Variants in EHMT1 observed in about 807,000 individuals in gnomAD.
EHMT1 encodes the protein euchromatic histone lysine methyltransferase 1.
EHMT1 carries 15 observed loss-of-function variants against 147.2 expected under a neutral mutation model. The ratio of observed to expected loss-of-function variants is 0.10; its 90% CI spans 0.07 to 0.16. The LOEUF (loss-of-function observed/expected upper bound fraction) is 0.16. Among genes scored for constraint, EHMT1 ranks in the 10% least tolerant of loss-of-function variants. The probability of loss-of-function intolerance (pLI) is 1.00; values close to 1 mark genes in which losing one functional copy is unlikely to be tolerated. For missense variants in EHMT1, 1,587 were observed against 1,772.4 expected, an observed-to-expected ratio of 0.90 and a Z score of 1.88; for synonymous variants, 795 against 709.6, an observed-to-expected ratio of 1.12 and a Z score of -1.91.
intron 4 of EHMT1, among the ~76,000 whole-genome samples, chr9:137,733,425 C>T (rs1947283865): frequency 6.6e-6 from 1 of 152,244 alleles, no homozygotes; most frequent in Non-Finnish European, 1.5e-5. Context: ...TTCATCTCCT[C>T]ACCTAGACAA....
intron 1 of EHMT1, among the ~76,000 whole-genome samples, chr9:137,627,054 T>C (rs1004670346): frequency 1.3e-5 from 2 of 152,096 alleles, no homozygotes; most frequent in African/African-American, 4.8e-5. Context: ...ATCTCCCAGG[T>C]TCAAGCGCTT....
In EHMT1 at chr9:137,648,844, G is replaced by A. The variant is rs113999116; in HGVS notation, c.21+29795G>A. Among the ~76,000 whole-genome samples, 1,077 of 152,256 alleles carry A rather than the reference G, an allele frequency of 7.1e-3. 18 individuals are homozygous for A. The highest frequency in any genetic ancestry group is 0.025 in the African/African-American group (1,033 of 41,536). ...CAGCCTCATCCTCAGGGTGCATCCC[G>A]TTTCCCTGACTTCTCTCCCTATCAT... is the stretch of plus-strand genomic sequence containing the variant. On this transcript the variant is annotated intron_variant, in intron 1 of 26. Coordinates refer to ENST00000460843, the MANE Select transcript of EHMT1 (RefSeq NM_024757.5).
At chr9:137,757,854 CTGA>C in intron 8 of EHMT1, 23 bp from the exon 9 acceptor site, 3 of 1,613,270 alleles carry the variant, frequency 1.9e-6, no homozygotes, top group Non-Finnish European at 2.5e-6. Flanking sequence ...TGCGTGGTGT[CTGA>C]TGTGTGTGCC....
chr9:137,703,228 G>C (rs191275342), intron 1 of EHMT1, among the ~76,000 whole-genome samples: 21 of 152,234 alleles, frequency 1.4e-4, no homozygotes, highest in Non-Finnish European at 2.4e-4. Flanking sequence ...GATGGGAGGG[G>C]CTGCTGCAAA....
At chr9:137,633,331 T>G (rs540869428) in intron 1 of EHMT1, among the ~76,000 whole-genome samples, 3 of 152,152 alleles carry the variant, frequency 2.0e-5, no homozygotes, top group East Asian at 3.9e-4. Flanking sequence ...TTTTTTTTTT[T>G]GTAATACAGA....
intron 23 of EHMT1, chr9:137,817,125 C>T (rs1186119199): frequency 7.9e-5 from 35 of 443,602 alleles, no homozygotes; most frequent in Non-Finnish European, 1.4e-4. Context: ...GTATTAGCAC[C>T]TCTGCCCCTC....
At position 137,787,792 on chromosome 9, in the gene EHMT1, C is replaced by T; in HGVS notation, c.2383-3056C>T. 2 of 854,412 alleles carry T rather than the reference C, an allele frequency of 2.3e-6. No homozygotes were observed. Among genetic ancestry groups the T allele is most frequent in the Non-Finnish European group, 4.1e-6 (2 of 491,622 alleles). 52.9% of individuals were successfully genotyped at this position (854,412 alleles called of 1,614,324 possible). ...GGAAGAGGGCGTCTAGATCCCAGCC[C>T]TGGGGGCCCTCAGGTTTCAGGGGCC... On this transcript the variant is annotated intron_variant, in intron 15 of 26. Transcript: ENST00000460843. This position sits in a 1 kb window ranked among gnomAD's most constrained non-coding sequence, Gnocchi z 4.2.
chr9:137,673,530 C>A (rs962444420), intron 1 of EHMT1, among the ~76,000 whole-genome samples: 3 of 152,134 alleles, frequency 2.0e-5, no homozygotes, highest in Non-Finnish European at 2.9e-5. Flanking sequence ...GTGTGAAGCT[C>A]CGGCCTCGAG....
intron 1 of EHMT1, among the ~76,000 whole-genome samples, chr9:137,670,501 G>A (rs1191910023): frequency 3.3e-5 from 5 of 152,054 alleles, no homozygotes; most frequent in Non-Finnish European, 7.4e-5. Flanking sequence ...GCCCACGTGC[G>A]AGCTCCGTTT....
intron 1 of EHMT1, among the ~76,000 whole-genome samples, chr9:137,697,497 G>A (rs996126140): frequency 6.6e-6 from 1 of 152,148 alleles, no homozygotes; most frequent in East Asian, 1.9e-4. Context: ...ACTGTTTGAA[G>A]ATTTTTTTGA....
intron 10 of EHMT1, among the ~76,000 whole-genome samples, chr9:137,767,774 C>G (rs1371863541): frequency 6.6e-6 from 1 of 152,084 alleles, no homozygotes; most frequent in Non-Finnish European, 1.5e-5. Flanking sequence ...GATCTCACTA[C>G]TGCACTCCAG....
intron 25 of EHMT1, among the ~76,000 whole-genome samples, chr9:137,822,153 C>T (rs970870233): frequency 1.3e-5 from 2 of 152,186 alleles, no homozygotes; most frequent in African/African-American, 2.4e-5. Context: ...TTTCTATAAA[C>T]GGAATCCTGT....
intron 1 of EHMT1, chr9:137,697,233 A>G (rs961609959): frequency 1.2e-5 from 3 of 258,922 alleles, no homozygotes; most frequent in Non-Finnish European, 2.5e-5. Context: ...GTGAGCCGAG[A>G]TGGTGCCACT....
At chr9:137,820,867 G>GTTTGT (rs57434137) in intron 25 of EHMT1, among the ~76,000 whole-genome samples, 26 of 151,048 alleles carry the variant, frequency 1.7e-4, no homozygotes, top group South Asian at 1.0e-3. Context: ...CACCTTAGAG[G>GTTTGT]TTTGTTTTGT....
In EHMT1 at chr9:137,813,218, C is replaced by G. The variant is rs924369991; in HGVS notation, c.3035+45C>G. ...GGCTTTGTGGCAAATCAGCGGTCAG[C>G]AGGGCTTTGGGAACTTGCGGTGAAA... On this transcript the variant is annotated intron_variant, in intron 20 of 26. Transcript: ENST00000460843. This position sits in a 1 kb window ranked among gnomAD's most constrained non-coding sequence, Gnocchi z 4.9. 6.3e-7 allele frequency: 1 copy of G among 1,598,254 alleles called. No individual in the cohort carries two copies.
chr9:137,713,323 G>A (rs1944915144), intron 2 of EHMT1, among the ~76,000 whole-genome samples: 1 of 143,526 alleles, frequency 7.0e-6, no homozygotes, highest in Non-Finnish European at 1.5e-5. Context: ...GGGCTGGAGT[G>A]CAGTGGCACG....
chr9:137,746,376 A>C (rs1239182959), intron 6 of EHMT1: 1 of 152,190 alleles, frequency 6.6e-6, no homozygotes, highest in Non-Finnish European at 1.5e-5. Context: ...CAGCTTCCAA[A>C]AGTGCTGGGA....
intron 4 of EHMT1, among the ~76,000 whole-genome samples, chr9:137,733,620 C>T (rs1947298896): frequency 6.6e-6 from 1 of 152,194 alleles, no homozygotes; most frequent in South Asian, 2.1e-4. Context: ...GTGCGTGCAG[C>T]TTGTGGGAGC....
rs1325669112 is a variant in EHMT1, at chr9:137,834,517, C to G, written c.3709C>G (p.Gln1237Glu). ...FSTRLIEAGE[Q>E]LGFDYGERFW... ...CACCCGCCTGATCGAGGCCGGCGAG[C>G]AGCTCGGGTACGCACCGCCCCGGCC... is the stretch of plus-strand genomic sequence containing the variant. Residue 1237 changes from glutamine (Q) to glutamate (E), a missense_variant, in exon 26 of 27, where the codon CAG becomes GAG. Gln to Glu is a conservative substitution (Grantham distance 29). Coordinates refer to ENST00000460843, the MANE Select transcript of EHMT1 (RefSeq NM_024757.5). The G allele has an allele frequency of 1.9e-6, 3 of 1,610,630 alleles. No individual in the cohort carries two copies. In the Admixed American group the frequency reaches 5.0e-5, roughly 27 times the overall value.
Sources: allele counts gnomAD v4.1 joint callset (sites outside exome capture counted in the v4.1 genomes callset), GRCh38; gene constraint gnomAD v4.1.1; non-coding constraint Gnocchi (gnomAD v3.1); transcripts MANE v1.5; gene names NCBI Gene and HGNC (gene_info 2026-07-23, HGNC 2026-07-21).